The following TMEM178A variants were observed in gnomAD, a reference collection of about 807,000 sequenced individuals.
The protein encoded by TMEM178A is transmembrane protein 178.
In TMEM178A, 12 loss-of-function variants were observed where a neutral mutation model predicts 29.1. That is an observed-to-expected ratio of 0.41 (90% CI 0.26 to 0.67). The LOEUF (loss-of-function observed/expected upper bound fraction) is 0.67, where lower values mean the gene tolerates loss of function less well. TMEM178A is among the 30% of genes least tolerant of loss of function. TMEM178A has a pLI of 0.29. For synonymous variants in TMEM178A, 210 were observed against 187.2 expected, an observed-to-expected ratio of 1.12 and a Z score of -0.99; for missense variants, 366 against 419.1, an observed-to-expected ratio of 0.87 and a Z score of 1.11.
chr2:39,666,427 C>G, intron 1 of TMEM178A, 53 bp downstream of exon 1: 3 of 1,242,006 alleles, frequency 2.4e-6, no homozygotes, highest in Non-Finnish European at 3.0e-6. Context: ...GAGCGCAGCC[C>G]GCGGCTTCCC....
chr2:39,681,120 A>G (rs954543924), intron 1 of TMEM178A, among the ~76,000 whole-genome samples: 7 of 152,152 alleles, frequency 4.6e-5, no homozygotes, highest in Non-Finnish European at 1.0e-4. Context: ...GTGACCCCCA[A>G]TTTCCTCGTT....
At chr2:39,703,985 A>T (rs746520044) in intron 1 of TMEM178A, 96 bp from the exon 2 acceptor site, 33 of 913,162 alleles carry the variant, frequency 3.6e-5, no homozygotes, top group Admixed American at 6.9e-5. Flanking sequence ...CCCATCTCCC[A>T]TTCAACCCAG....
At chr2:39,728,444 T>A in the TMEM178A span, among the ~76,000 whole-genome samples, 6 of 152,310 alleles carry the variant, frequency 3.9e-5, no homozygotes, top group African/African-American at 1.2e-4. Context: ...AGGAGCTAGT[T>A]CAATTTAGTT....
At chr2:39,715,538 A>G (rs916914977) in intron 3 of TMEM178A, among the ~76,000 whole-genome samples, 4 of 152,208 alleles carry the variant, frequency 2.6e-5, no homozygotes, top group Admixed American at 6.5e-5. Context: ...TGAGAACTCA[A>G]AGTGATATGT....
At chr2:39,710,645 G>T (rs566972442) in intron 3 of TMEM178A, among the ~76,000 whole-genome samples, 1 of 152,098 alleles carries the variant, frequency 6.6e-6, no homozygotes, top group Admixed American at 6.5e-5. Context: ...TCAATCTATT[G>T]CTTGAGATAA....
chr2:39,722,943 G>A (rs1047857267), downstream of TMEM178A, among the ~76,000 whole-genome samples: 5 of 152,098 alleles, frequency 3.3e-5, no homozygotes, highest in Admixed American at 2.0e-4. Context: ...CTCAATATCT[G>A]GCTAACTGTG....
At chr2:39,689,783 G>C (rs955441398) in intron 1 of TMEM178A, among the ~76,000 whole-genome samples, 1 of 152,180 alleles carries the variant, frequency 6.6e-6, no homozygotes, top group Non-Finnish European at 1.5e-5. Context: ...CATTGATTTT[G>C]ACAATTATCC....
At chr2:39,713,620 G>C (rs1395224928) in intron 3 of TMEM178A, among the ~76,000 whole-genome samples, 1 of 152,202 alleles carries the variant, frequency 6.6e-6, no homozygotes, top group Non-Finnish European at 1.5e-5. Flanking sequence ...AGAGTCCTCA[G>C]TTTAAAAAGC....
chr2:39,665,728 G>T (rs1213659018), upstream of TMEM178A: 2 of 355,358 alleles, frequency 5.6e-6, no homozygotes, highest in African/African-American at 2.4e-5. Context: ...GCAAGAAAGC[G>T]AGAGCGGCGC....
At chr2:39,731,647 C>T in the TMEM178A span, among the ~76,000 whole-genome samples, 1 of 152,198 alleles carries the variant, frequency 6.6e-6, no homozygotes, top group South Asian at 2.1e-4. Flanking sequence ...TCCAACTTCC[C>T]CAAACCATCA....
At chr2:39,680,426 T>A (rs1307213535) in intron 1 of TMEM178A, among the ~76,000 whole-genome samples, 4 of 152,238 alleles carry the variant, frequency 2.6e-5, no homozygotes, top group Admixed American at 6.5e-5. Flanking sequence ...TTATTGCTAA[T>A]TTTCTTTTTC....
chr2:39,667,681 C>T (rs145325132), intron 1 of TMEM178A, among the ~76,000 whole-genome samples: 1 of 152,206 alleles, frequency 6.6e-6, no homozygotes, highest in Non-Finnish European at 1.5e-5. Context: ...TCAACTTCCT[C>T]CTTCCCATGG....
At chr2:39,694,161 G>GTAATAATAA (rs66983117) in intron 1 of TMEM178A, among the ~76,000 whole-genome samples, 2,321 of 146,676 alleles carry the variant, frequency 0.016, 32 homozygotes, top group African/African-American at 0.026. Context: ...AGTAGTAGTA[G>GTAATAATAA]TAATAATAAT....
intron 1 of TMEM178A, among the ~76,000 whole-genome samples, chr2:39,679,449 C>G (rs895233869): frequency 6.6e-6 from 1 of 151,820 alleles, no homozygotes; most frequent in African/African-American, 2.4e-5. Context: ...ATTTATTATA[C>G]ACTTTTTTTT....
downstream of TMEM178A, among the ~76,000 whole-genome samples, chr2:39,718,817 C>G (rs1291569729): frequency 2.6e-5 from 4 of 151,896 alleles, no homozygotes; most frequent in Non-Finnish European, 5.9e-5. Context: ...AACTCCAACC[C>G]TTGTTCCCGA....
At chr2:39,698,569 G>C (rs545488865) in intron 1 of TMEM178A, among the ~76,000 whole-genome samples, 2 of 152,234 alleles carry the variant, frequency 1.3e-5, no homozygotes, top group South Asian at 2.1e-4. Flanking sequence ...CTAATATTTT[G>C]CTGGGGAATT....
At chr2:39,669,392 C>T (rs1009888173) in intron 1 of TMEM178A, among the ~76,000 whole-genome samples, 5 of 152,170 alleles carry the variant, frequency 3.3e-5, no homozygotes, top group Admixed American at 2.6e-4. Flanking sequence ...GGGATAGAAA[C>T]ATGCAATGTG....
chr2:39,683,098 T>C (rs981294150), intron 1 of TMEM178A, among the ~76,000 whole-genome samples: 13 of 152,232 alleles, frequency 8.5e-5, no homozygotes, highest in Non-Finnish European at 1.9e-4. Flanking sequence ...ATTAAGAAAA[T>C]TTAAATTGGT....
rs947768332 is a variant in TMEM178A, at chr2:39,707,534, C to T, written c.652+348C>T. Among the ~76,000 whole-genome samples, 5 of 152,008 alleles carry T rather than the reference C, an allele frequency of 3.3e-5. No homozygotes were observed. The South Asian group carries it at 6.2e-4, about 19-fold the overall frequency. On this transcript the variant is annotated intron_variant, in intron 3 of 3. Transcript: ENST00000281961. ...TCACCCAGGCTGGAGTGTAGTGGTG[C>T]GATCTTGCCCCACTGCAACCTCTGT...
Sources: allele counts gnomAD v4.1 joint callset (sites outside exome capture counted in the v4.1 genomes callset), GRCh38; gene constraint gnomAD v4.1.1; transcripts MANE v1.5; gene names NCBI Gene and HGNC (gene_info 2026-07-23, HGNC 2026-07-21).